PRKDC: variants seen among roughly 807,000 people sequenced by gnomAD.
PRKDC encodes DNA-dependent protein kinase catalytic subunit.
In PRKDC, 82 loss-of-function variants were observed where a neutral mutation model predicts 486.9. That is an observed-to-expected ratio of 0.17 (90% confidence interval 0.14 to 0.20). The LOEUF (loss-of-function observed/expected upper bound fraction) is 0.20. Among genes scored for constraint, PRKDC ranks in the 10% least tolerant of loss-of-function variants. The pLI is 1.00. For missense variants in PRKDC, 4,504 were observed against 5,038.2 expected, an observed-to-expected ratio of 0.89 and a Z score of 3.21; for synonymous variants, 1,895 against 1,837.0, an observed-to-expected ratio of 1.03 and a Z score of -0.81.
At chr8:47,832,159 G>A (rs2087899434) in intron 59 of PRKDC, among the ~76,000 whole-genome samples, 1 of 152,208 alleles carries the variant, frequency 6.6e-6, no homozygotes, top group Admixed American at 6.5e-5. Context: ...GGGAGGGCAC[G>A]CAGCCACCTT....
chr8:47,833,327 T>C (rs1450952547), intron 59 of PRKDC, among the ~76,000 whole-genome samples: 1 of 152,204 alleles, frequency 6.6e-6, no homozygotes. Flanking sequence ...TAAGTTTACT[T>C]CCACAGAGCT....
At position 47,773,126 on chromosome 8, in the gene PRKDC, T is replaced by G. The variant is rs2086547713; in HGVS notation, c.*1047A>C. 5.0e-6 allele frequency: 1 copy of G among 199,346 alleles called. No individual in the cohort carries two copies. The highest frequency in any genetic ancestry group is 2.3e-5 in the African/African-American group (1 of 43,330). 12.3% of individuals were successfully genotyped at this position (199,346 alleles called of 1,614,324 possible). On this transcript the variant is annotated 3_prime_UTR_variant, in exon 86 of 86. Coordinates refer to ENST00000314191, the MANE Select transcript of PRKDC (RefSeq NM_006904.7). ...TACACACTACTTTTGGAAAAAAACT[T>G]TATTAAACACTCAAGAGTATACTTC...
chr8:47,820,692 G>A, intron 66 of PRKDC, 27 bp downstream of exon 66: 1 of 1,139,756 alleles, frequency 8.8e-7, no homozygotes, highest in Non-Finnish European at 1.2e-6. Flanking sequence ...ATATATACAA[G>A]CATATATATA....
Position 47,823,844 on chromosome 8 carries a change from G to T in PRKDC, c.8922+14C>A. ...TTGAAGTAAATGTCATATTTTGCCA[G>T]AGATCAATTTTACCTCATCATACTG... On this transcript the variant is annotated intron_variant, in intron 64 of 85. Transcript: ENST00000314191. 1 of 1,611,656 alleles carries T rather than the reference G, an allele frequency of 6.2e-7. No individual in the cohort carries two copies. The highest frequency in any genetic ancestry group is 8.5e-7 in the Non-Finnish European group (1 of 1,178,728).
intron 58 of PRKDC, 55 bp from the exon 59 acceptor site, chr8:47,834,451 G>A (rs1385437092): frequency 8.9e-6 from 14 of 1,571,516 alleles, no homozygotes; most frequent in Admixed American, 6.8e-5. Flanking sequence ...CTCTGTGCAC[G>A]GGGCAGGACC....
chr8:47,881,005 CCACTGTACT>C (rs2089202200), intron 38 of PRKDC, among the ~76,000 whole-genome samples: 1 of 150,742 alleles, frequency 6.6e-6, no homozygotes, highest in South Asian at 2.1e-4. Context: ...CATGATTGTG[CCACTGTACT>C]TCAGCCTGGG....
At chr8:47,830,820 C>A in intron 60 of PRKDC, 84 bp from the exon 61 acceptor site, 2 of 1,559,726 alleles carry the variant, frequency 1.3e-6, no homozygotes, top group Non-Finnish European at 1.8e-6. Context: ...CTGCCAGGAT[C>A]CCCTGAACCA....
intron 52 of PRKDC, 113 bp from the exon 53 acceptor site, chr8:47,849,616 T>C: frequency 8.1e-7 from 1 of 1,232,570 alleles, no homozygotes; most frequent in South Asian, 1.5e-5. Flanking sequence ...CTCAATGTTG[T>C]CACCTACAAG....
chr8:47,849,244 C>G lies in PRKDC; in HGVS notation c.7190G>C (p.Cys2397Ser). The change falls in exon 54 of 86, where the codon TGT becomes TCT. Residue 2397 changes from cysteine (C) to serine (S), a missense_variant. By Grantham distance (112) the Cys-to-Ser change is moderately radical. Around this residue, in one of 6 missense-constraint regions of PRKDC, gnomAD observed 1,592 missense variants for 1,724.6 expected, o/e 0.92. Coordinates refer to ENST00000314191, the MANE Select transcript of PRKDC (RefSeq NM_006904.7). Reference sequence around the variant, plus strand: ...CACACGACAAAGTACCACCTCCAGACAGAGTGTTTTCAACACTCCATGAAA... The same window carrying G: ...CACACGACAAAGTACCACCTCCAGAGAGAGTGTTTTCAACACTCCATGAAA... ...PKFHGVLKTL[C>S]LEVVLCRVEG... 1.2e-6 allele frequency: 2 copies of G among 1,613,994 alleles called. No individual in the cohort carries two copies. Among genetic ancestry groups the G allele is most frequent in the East Asian group, 2.2e-5 (1 of 44,874 alleles).
At chr8:47,775,106 G>C (rs1171460925) in intron 85 of PRKDC, among the ~76,000 whole-genome samples, 4 of 151,908 alleles carry the variant, frequency 2.6e-5, no homozygotes, top group African/African-American at 9.7e-5. Context: ...AGGATCGCTT[G>C]AACCCAGGAG....
rs373009935 is a variant in PRKDC, at chr8:47,832,805, T to A, written c.8153-879A>T. On this transcript the variant is annotated intron_variant, in intron 59 of 85. Transcript: ENST00000314191. ...CAGCGGCCTGGAAGCTCCCGCCATA[T>A]GCCCAGAAAAACAGACTGAAACGGA... Among the ~76,000 whole-genome samples the A allele has an allele frequency of 3.8e-3, 586 of 152,332 alleles. 4 individuals are homozygous for A. The highest frequency in any genetic ancestry group is 0.025 in the South Asian group (120 of 4,828).
At chr8:47,850,719 A>G (rs2088383461) in intron 52 of PRKDC, among the ~76,000 whole-genome samples, 1 of 152,278 alleles carries the variant, frequency 6.6e-6, no homozygotes. Flanking sequence ...GTTATAAAAC[A>G]GTATGAATAA....
intron 31 of PRKDC, 115 bp downstream of exon 31, chr8:47,893,024 C>G (rs2089495598): frequency 1.6e-6 from 2 of 1,253,032 alleles, no homozygotes; most frequent in Non-Finnish European, 2.1e-6. Context: ...AAAGCACGGG[C>G]AAGGTGGTGC....
At position 47,777,043 on chromosome 8, in the gene PRKDC, A is replaced by G. The variant is rs1013242740; in HGVS notation, c.12043-60T>C. ...ATAATGGTATATACAATCATGCCCA[A>G]ACAGATTAAATCTAGTAATGATCTT... On this transcript the variant is annotated intron_variant, in intron 84 of 85. Transcript: ENST00000314191. The G allele has an allele frequency of 2.6e-6, 4 of 1,538,600 alleles. No individual in the cohort carries two copies. The South Asian group carries it at 5.0e-5, about 19-fold the overall frequency.
At position 47,929,764 on chromosome 8, in the gene PRKDC, T is replaced by C. The variant is rs938752258; in HGVS notation, c.2052+89A>G. On this transcript the variant is annotated intron_variant, in intron 18 of 85. Coordinates refer to ENST00000314191, the MANE Select transcript of PRKDC (RefSeq NM_006904.7). ...AAAATTAGTAGACTTTAAAACTGCA[T>C]AGGCCACAATCACATATTTTATGAT... The C allele has an allele frequency of 7.5e-6, 10 of 1,328,220 alleles. No individual in the cohort carries two copies. In the African/African-American group the frequency reaches 1.4e-4, roughly 18 times the overall value. The allele number at this position is 1,328,220 out of a possible 1,614,324, so 82.3% of individuals were successfully genotyped here. A position where few individuals can be genotyped will look rare whatever the true frequency, so the allele number is the denominator to read the frequency against.
rs914624686 is a variant in PRKDC, at chr8:47,826,808, G to A, written c.8631C>T (p.Ser2877=). The A allele has an allele frequency of 4.4e-6, 7 of 1,605,458 alleles. No homozygotes were observed. The highest frequency in any genetic ancestry group is 2.2e-5 in the East Asian group (1 of 44,668). ...ALLSLDPAAV[S]AGCLASLQQP... is the part of the protein sequence containing the mutation. Reference sequence around the variant, plus strand: ...GCTGTAGGCTGGCCAGGCAACCAGCGCTAACAGCCGCTGGGTCGAGGCTCA... The same window carrying A: ...GCTGTAGGCTGGCCAGGCAACCAGCACTAACAGCCGCTGGGTCGAGGCTCA... The change falls in exon 63 of 86, where the codon AGC becomes AGT. Residue 2877 remains serine (S), a synonymous_variant. Transcript: ENST00000314191.
intron 68 of PRKDC, among the ~76,000 whole-genome samples, chr8:47,809,524 G>A (rs2087285628): frequency 6.6e-6 from 1 of 152,184 alleles, no homozygotes; most frequent in African/African-American, 2.4e-5. Flanking sequence ...GCTGTGAAGG[G>A]TGCATGCAAT....
Position 47,929,123 on chromosome 8 carries a change from C to A in PRKDC, c.2108G>T (p.Cys703Phe). 3 of 1,576,202 alleles carry A rather than the reference C, an allele frequency of 1.9e-6. No homozygotes were observed. The highest frequency in any genetic ancestry group is 2.6e-6 in the Non-Finnish European group (3 of 1,158,946). ...GCCAAATTTCACAAATAAAGCAAAG[C>A]AAGAATACTTTTCTGGGTCTTCAGG... ...HSPEDPEKYS[C>F]FALFVKFGKE... Residue 703 changes from cysteine (C) to phenylalanine (F), a missense_variant, in exon 19 of 86, where the codon TGC becomes TTC. Physicochemically the swap from Cys to Phe is radical, Grantham distance 205. Around this residue, in one of 6 missense-constraint regions of PRKDC, gnomAD observed 1,969 missense variants for 2,068.9 expected, o/e 0.95. Transcript: ENST00000314191.
intron 71 of PRKDC, among the ~76,000 whole-genome samples, chr8:47,799,915 G>C (rs2154498197): frequency 6.6e-6 from 1 of 152,334 alleles, no homozygotes; most frequent in Admixed American, 6.5e-5. Flanking sequence ...TGGGACGTCT[G>C]AATGGTGATG....
Sources: gnomAD v4.1 joint callset for allele counts (sites outside exome capture counted in the v4.1 genomes callset) on GRCh38, gnomAD v4.1.1 for gene constraint, gnomAD v4.1.1 regional missense constraint, MANE v1.5 for transcripts, NCBI Gene and HGNC (gene_info 2026-07-23, HGNC 2026-07-21) for gene names.